FCN2: variants seen among roughly 807,000 people sequenced by gnomAD.
FCN2 encodes ficolin-2.
FCN2 carries 31 observed loss-of-function variants against 32.5 expected under a neutral mutation model. The ratio of observed to expected loss-of-function variants is 0.96; its 90% CI spans 0.72 to 1.29. The LOEUF (loss-of-function observed/expected upper bound fraction) is 1.29, where lower values mean the gene tolerates loss of function less well. FCN2 is among the 50% of genes most tolerant of loss of function. FCN2 has a pLI of 0.00. For missense variants in FCN2, 412 were observed against 406.5 expected, an observed-to-expected ratio of 1.01 and a Z score of -0.12; for synonymous variants, 181 against 164.5, an observed-to-expected ratio of 1.10 and a Z score of -0.77.
At chr9:134,877,350 A>G (rs1830612960), upstream of FCN2, among the ~76,000 whole-genome samples, 1 of 152,210 alleles carries the variant, frequency 6.6e-6, no homozygotes, top group African/African-American at 2.4e-5. Context: ...TTTTCATTCA[A>G]TTCAAAATTC....
chr9:134,876,706 G>A (rs1284325623), upstream of FCN2, among the ~76,000 whole-genome samples: 10 of 152,174 alleles, frequency 6.6e-5, no homozygotes, highest in African/African-American at 2.2e-4. Context: ...AGCCTCCCGA[G>A]AAGCTGAGAT....
chr9:134,871,274 G>A, the FCN2 span, among the ~76,000 whole-genome samples: 10 of 152,208 alleles, frequency 6.6e-5, no homozygotes, highest in African/African-American at 2.4e-4. Context: ...GCCACTGAGT[G>A]TGGTTTTCGG....
chr9:134,886,610 T>C, intron 7 of FCN2, 46 bp downstream of exon 7: 1 of 1,608,720 alleles, frequency 6.2e-7, no homozygotes, highest in Non-Finnish European at 8.5e-7. Context: ...CTGAGGGGGG[T>C]TTGGGAAGTG....
chr9:134,884,437 G>A (rs1469322809), intron 3 of FCN2, among the ~76,000 whole-genome samples: 3 of 152,160 alleles, frequency 2.0e-5, no homozygotes, highest in African/African-American at 4.8e-5. Flanking sequence ...TGGGGCCTCA[G>A]GAGAAGCCTG....
upstream of FCN2, among the ~76,000 whole-genome samples, chr9:134,880,379 T>G (rs1173350227): frequency 2.6e-5 from 4 of 152,178 alleles, no homozygotes; most frequent in Non-Finnish European, 1.5e-5. Flanking sequence ...AGGGTTACTG[T>G]GTAAGGCCCA....
chr9:134,876,703 C>T (rs186910153), upstream of FCN2, among the ~76,000 whole-genome samples: 91 of 152,276 alleles, frequency 6.0e-4, no homozygotes, highest in East Asian at 5.0e-3. Context: ...CTCAGCCTCC[C>T]GAGAAGCTGA....
At chr9:134,880,968 A>T (rs779785887) in intron 1 of FCN2, 47 bp downstream of exon 1, 2 of 1,410,702 alleles carry the variant, frequency 1.4e-6, no homozygotes, top group Non-Finnish European at 2.0e-6. Flanking sequence ...CGTCCCTGAA[A>T]GCTGGCAGCT....
At chr9:134,886,372 T>C in intron 6 of FCN2, 58 bp from the exon 7 acceptor site, 1 of 1,608,028 alleles carries the variant, frequency 6.2e-7, no homozygotes, top group Non-Finnish European at 8.5e-7. Context: ...GATCCCCAGC[T>C]CCCATGTCTA....
the FCN2 span, among the ~76,000 whole-genome samples, chr9:134,864,276 G>A: frequency 4.9e-4 from 74 of 152,294 alleles, no homozygotes; most frequent in African/African-American, 1.3e-3. Context: ...CAGTGTTCCC[G>A]CCAAGCTTTC....
chr9:134,883,171 G>A (rs958064102), intron 2 of FCN2, 131 bp from the exon 3 acceptor site: 10 of 831,766 alleles, frequency 1.2e-5, no homozygotes, highest in South Asian at 8.3e-5. Flanking sequence ...AGCCTGGGCG[G>A]GGCCACAGTC....
At chr9:134,881,939 C>A (rs1830669779) in intron 1 of FCN2, among the ~76,000 whole-genome samples, 1 of 152,244 alleles carries the variant, frequency 6.6e-6, no homozygotes, top group African/African-American at 2.4e-5. Flanking sequence ...TTCGCACCAA[C>A]TTGTTCAGTG....
In FCN2 at chr9:134,887,226, T is replaced by A; in HGVS notation, c.753T>A (p.Asp251Glu). ...QSFSTKDQDN[D>E]LNTGNCAVMF... is the part of the protein sequence containing the mutation. Reference sequence around the variant, plus strand: ...TCTCCACCAAAGACCAGGACAATGATCTTAACACCGGAAATTGTGCTGTGA... The same window carrying A: ...TCTCCACCAAAGACCAGGACAATGAACTTAACACCGGAAATTGTGCTGTGA... Residue 251 changes from aspartate to glutamate, a missense_variant, in exon 8 of 8, where the codon GAT (aspartate) becomes GAA (glutamate). Asp to Glu is a conservative substitution (Grantham distance 45). Transcript: ENST00000291744. 1 of 1,614,168 alleles carries A rather than the reference T, an allele frequency of 6.2e-7. No homozygotes were observed. The highest frequency in any genetic ancestry group is 8.5e-7 in the Non-Finnish European group (1 of 1,180,030).
the FCN2 span, among the ~76,000 whole-genome samples, chr9:134,870,331 C>T: frequency 3.3e-5 from 5 of 152,266 alleles, no homozygotes; most frequent in Non-Finnish European, 5.9e-5. The surrounding 1 kb of genome is among the most constrained non-coding windows in gnomAD (Gnocchi z 4.3). Flanking sequence ...TGCAGAGGTC[C>T]GTGGGCTCAC....
rs1216588670 is a variant in FCN2, at chr9:134,885,375, G to C, written c.429+9G>C. On this transcript the variant is annotated intron_variant, in intron 5 of 7. Coordinates refer to ENST00000291744, the MANE Select transcript of FCN2 (RefSeq NM_004108.3). ...ACGGAGGGGGCTGGACCGTGAGTGTGGGGCTGGGCAGAGGCGGTCAGCCTG... is the reference window on the plus strand; with the variant it reads ...ACGGAGGGGGCTGGACCGTGAGTGTCGGGCTGGGCAGAGGCGGTCAGCCTG... The C allele has an allele frequency of 6.2e-7, 1 of 1,613,028 alleles. No individual in the cohort carries two copies.
At chr9:134,885,190 C>T (rs1467409746) in intron 4 of FCN2, 49 bp from the exon 5 acceptor site, 1 of 1,612,990 alleles carries the variant, frequency 6.2e-7, no homozygotes, top group East Asian at 2.2e-5. Flanking sequence ...CTGCCTGTGC[C>T]CTGCCCAGGG....
chr9:134,871,645 G>A, the FCN2 span, among the ~76,000 whole-genome samples: 7 of 152,156 alleles, frequency 4.6e-5, no homozygotes, highest in Non-Finnish European at 7.3e-5. Context: ...TCTAGGACCC[G>A]GTGCTGAGAG....
chr9:134,867,751 C>G, the FCN2 span, among the ~76,000 whole-genome samples: 1 of 152,000 alleles, frequency 6.6e-6, no homozygotes, highest in East Asian at 1.9e-4. Context: ...CACACTGCCC[C>G]TCTCCAGAGG....
the FCN2 span, among the ~76,000 whole-genome samples, chr9:134,875,078 C>T: frequency 0.85 from 129,188 of 152,228 alleles, 55,175 homozygotes; most frequent in East Asian, 0.98. Context: ...GTAGTTCTAG[C>T]AGATTTTTCA....
At chr9:134,878,747 G>T (rs151094989), upstream of FCN2, among the ~76,000 whole-genome samples, 1 of 152,114 alleles carries the variant, frequency 6.6e-6, no homozygotes, top group Non-Finnish European at 1.5e-5. Flanking sequence ...GGAGGCTGAG[G>T]CAGGAGAATC....
Sources: gnomAD v4.1 joint callset for allele counts (sites outside exome capture counted in the v4.1 genomes callset) on GRCh38, gnomAD v4.1.1 for gene constraint, Gnocchi (gnomAD v3.1) non-coding constraint, MANE v1.5 for transcripts, NCBI Gene and HGNC (gene_info 2026-07-23, HGNC 2026-07-21) for gene names.